GALNT13: variants seen among roughly 807,000 people sequenced by gnomAD.
The protein encoded by GALNT13 is polypeptide N-acetylgalactosaminyltransferase 13, also known as UDP-GalNAc:polypeptide N-acetylgalactosaminyltransferase 13.
A neutral mutation model predicts 64.2 loss-of-function variants in GALNT13; 28 were observed. The observed-to-expected ratio is 0.44, with a 90% CI of 0.32 to 0.60. GALNT13 has a LOEUF of 0.60. GALNT13 is among the 20% of genes least tolerant of loss of function. The probability of loss-of-function intolerance (pLI) is 0.05; values close to 1 mark genes in which losing one functional copy is unlikely to be tolerated. For missense variants in GALNT13, 577 were observed against 669.8 expected (o/e 0.86, Z 1.53); for synonymous variants, 214 against 224.6 (o/e 0.95, Z 0.42).
chr2:153,738,923 A>G, the GALNT13 span, among the ~76,000 whole-genome samples: 8 of 151,890 alleles, frequency 5.3e-5, no homozygotes, highest in Non-Finnish European at 1.2e-4. Flanking sequence ...AGAATTTTAC[A>G]ATGAACACCC....
intron 3 of GALNT13, among the ~76,000 whole-genome samples, chr2:153,972,217 A>G (rs927467349): frequency 6.6e-6 from 1 of 152,028 alleles, no homozygotes; most frequent in African/African-American, 2.4e-5. Flanking sequence ...GTTTGTGGTA[A>G]TTTGTTTTGG....
the GALNT13 span, among the ~76,000 whole-genome samples, chr2:153,809,085 T>G: frequency 1.3e-5 from 2 of 152,204 alleles, no homozygotes; most frequent in African/African-American, 4.8e-5. Flanking sequence ...AAAATGACTC[T>G]CATATTTTCT....
chr2:154,061,909 A>G (rs1417095531), intron 3 of GALNT13, among the ~76,000 whole-genome samples: 1 of 152,224 alleles, frequency 6.6e-6, no homozygotes, highest in Non-Finnish European at 1.5e-5. Context: ...GTATATGTGT[A>G]CAATATCCCT....
chr2:153,125,705 G>GT, the GALNT13 span, among the ~76,000 whole-genome samples: 1 of 152,300 alleles, frequency 6.6e-6, no homozygotes, highest in East Asian at 1.9e-4. Flanking sequence ...AAAGTACGCA[G>GT]TAAGCATTAA....
chr2:153,553,041 C>G, the GALNT13 span, among the ~76,000 whole-genome samples: 4 of 152,002 alleles, frequency 2.6e-5, no homozygotes, highest in Non-Finnish European at 5.9e-5. Context: ...GTTGGGGACC[C>G]CTTTTCTAGA....
intron 11 of GALNT13, chr2:154,409,408 C>A: frequency 4.0e-6 from 1 of 251,122 alleles, no homozygotes; most frequent in Non-Finnish European, 7.7e-6. Flanking sequence ...AATAATTCCT[C>A]AACATCTGTG....
At chr2:153,231,233 C>T in the GALNT13 span, among the ~76,000 whole-genome samples, 8 of 152,106 alleles carry the variant, frequency 5.3e-5, no homozygotes, top group African/African-American at 1.9e-4. Context: ...CCAATTGTCT[C>T]GAGTTTTCAA....
intron 11 of GALNT13, among the ~76,000 whole-genome samples, chr2:154,432,331 G>T (rs1400358558): frequency 1.3e-5 from 2 of 152,124 alleles, no homozygotes; most frequent in Non-Finnish European, 2.9e-5. Context: ...ATTTCCCTAT[G>T]CAAAATTTGC....
At chr2:153,070,010 T>A in the GALNT13 span, among the ~76,000 whole-genome samples, 2 of 152,208 alleles carry the variant, frequency 1.3e-5, no homozygotes, top group Admixed American at 1.3e-4. Flanking sequence ...GTCAGCTAAG[T>A]ATTTACTGGT....
the GALNT13 span, among the ~76,000 whole-genome samples, chr2:153,398,029 G>A: frequency 1.3e-5 from 2 of 151,278 alleles, no homozygotes; most frequent in East Asian, 1.9e-4. Flanking sequence ...CCACTAATTC[G>A]TCATCTAGCA....
the GALNT13 span, among the ~76,000 whole-genome samples, chr2:153,471,301 C>T: frequency 4.6e-5 from 7 of 152,106 alleles, no homozygotes; most frequent in African/African-American, 1.7e-4. Flanking sequence ...AGAGTCATGA[C>T]TATAATAGAT....
At chr2:154,107,588 C>CAAAAAAAAAA (rs145286349) in intron 3 of GALNT13, among the ~76,000 whole-genome samples, 2 of 72,268 alleles carry the variant, frequency 2.8e-5, no homozygotes, top group African/African-American at 9.2e-5. Flanking sequence ...GACTACATCA[C>CAAAAAAAAAA]AAAAAAAAAA....
chr2:153,240,633 G>A, the GALNT13 span, among the ~76,000 whole-genome samples: 3 of 152,132 alleles, frequency 2.0e-5, no homozygotes, highest in South Asian at 4.1e-4. Flanking sequence ...TCCCATAATT[G>A]TAACCCTATC....
chr2:153,309,804 T>G, the GALNT13 span, among the ~76,000 whole-genome samples: 1 of 152,126 alleles, frequency 6.6e-6, no homozygotes, highest in African/African-American at 2.4e-5. Context: ...ATAAAGCATA[T>G]ACCTAGGTAA....
the GALNT13 span, among the ~76,000 whole-genome samples, chr2:153,596,903 C>T: frequency 1.3e-5 from 2 of 151,826 alleles, no homozygotes; most frequent in African/African-American, 4.8e-5. Context: ...TGCTTTTGAA[C>T]AAATTATGTA....
intron 9 of GALNT13, among the ~76,000 whole-genome samples, chr2:154,329,709 G>T (rs1419769985): frequency 6.6e-6 from 1 of 151,996 alleles, no homozygotes; most frequent in Non-Finnish European, 1.5e-5. Flanking sequence ...TATCCCTCAT[G>T]AATGGATGAA....
At chr2:153,635,455 T>C in the GALNT13 span, among the ~76,000 whole-genome samples, 1 of 148,948 alleles carries the variant, frequency 6.7e-6, no homozygotes, top group Admixed American at 6.7e-5. Flanking sequence ...CATATATATG[T>C]ATATGTGTAT....
chr2:153,746,161 A>C, the GALNT13 span, among the ~76,000 whole-genome samples: 1 of 152,192 alleles, frequency 6.6e-6, no homozygotes, highest in Admixed American at 6.5e-5. Context: ...TAGCAGTACA[A>C]ATATCACAAG....
the GALNT13 span, among the ~76,000 whole-genome samples, chr2:153,194,444 G>A: frequency 6.6e-6 from 1 of 151,838 alleles, no homozygotes; most frequent in African/African-American, 2.4e-5. Context: ...TTTCTGTTTG[G>A]TTCTTTTTTA....
Sources: allele counts gnomAD v4.1 joint callset (sites outside exome capture counted in the v4.1 genomes callset), GRCh38; gene constraint gnomAD v4.1.1; transcripts MANE v1.5; gene names NCBI Gene and HGNC (gene_info 2026-07-23, HGNC 2026-07-21).